SSBP2: variants seen among roughly 807,000 people sequenced by gnomAD.
SSBP2 encodes single-stranded DNA-binding protein 2.
Under a neutral mutation model 61.8 loss-of-function variants are expected in SSBP2, and 17 were observed. The observed-to-expected ratio is 0.28, with a 90% CI of 0.19 to 0.41. The LOEUF is 0.41. Ranked by LOEUF, SSBP2 falls within the 10% of genes least tolerant of loss-of-function variation. The probability of loss-of-function intolerance (pLI) is 1.00; values close to 1 mark genes in which losing one functional copy is unlikely to be tolerated. For synonymous variants in SSBP2, 139 were observed against 141.3 expected (o/e 0.98, Z 0.12); for missense variants, 310 against 458.7 (o/e 0.68, Z 2.96).
chr5:81,708,208 G>GTC (rs1446219611), intron 1 of SSBP2, among the ~76,000 whole-genome samples: 2 of 152,102 alleles, frequency 1.3e-5, no homozygotes, highest in Non-Finnish European at 2.9e-5. Context: ...CAAAGACAGG[G>GTC]TCTCTGCCTT....
intron 8 of SSBP2, among the ~76,000 whole-genome samples, chr5:81,468,869 G>A: frequency 6.6e-6 from 1 of 151,932 alleles, no homozygotes; most frequent in East Asian, 1.9e-4. Flanking sequence ...TGAGACATTG[G>A]TTAAAAGGAT....
chr5:81,693,746 C>T (rs781207087), intron 1 of SSBP2, among the ~76,000 whole-genome samples: 1 of 152,142 alleles, frequency 6.6e-6, no homozygotes, highest in African/African-American at 2.4e-5. Flanking sequence ...TAAATTAGTA[C>T]AACCACTATA....
intron 2 of SSBP2, among the ~76,000 whole-genome samples, chr5:81,643,709 T>C (rs905529374): frequency 3.3e-4 from 50 of 149,770 alleles, no homozygotes; most frequent in African/African-American, 1.2e-3. Flanking sequence ...CTCAAGCGAT[T>C]CTCCTGCCTC....
Position 81,575,244 on chromosome 5 carries a change from G to T in SSBP2, c.282+40229C>A, listed in dbSNP as rs952965787. ...GATCACGCTACTGCACTCCAGCCTG[G>T]GTGACAGAGCGAGACTTCGTCTCAA... is the stretch of plus-strand genomic sequence containing the variant. On this transcript the variant is annotated intron_variant, in intron 4 of 16. Coordinates refer to ENST00000320672, the MANE Select transcript of SSBP2 (RefSeq NM_012446.5). Among the ~76,000 whole-genome samples the T allele has an allele frequency of 3.3e-5, 5 of 152,158 alleles. 1 individual carries two copies. Among genetic ancestry groups the T allele is most frequent in the African/African-American group, 9.7e-5 (4 of 41,422 alleles).
intron 1 of SSBP2, among the ~76,000 whole-genome samples, chr5:81,742,160 T>C (rs1441064386): frequency 2.0e-5 from 3 of 152,280 alleles, no homozygotes; most frequent in East Asian, 1.9e-4. Context: ...TACTATACAT[T>C]AAAATATTTT....
At chr5:81,541,820 A>T (rs1771297126) in intron 4 of SSBP2, among the ~76,000 whole-genome samples, 1 of 152,224 alleles carries the variant, frequency 6.6e-6, no homozygotes, top group Admixed American at 6.5e-5. Context: ...TAAGAATCCT[A>T]GAAAAAAAAG....
At chr5:81,728,552 T>G (rs1011406020) in intron 1 of SSBP2, among the ~76,000 whole-genome samples, 8 of 152,340 alleles carry the variant, frequency 5.3e-5, no homozygotes, top group African/African-American at 1.9e-4. Flanking sequence ...ATGCCTTGAC[T>G]CAACTTCTCC....
At chr5:81,628,552 A>G (rs781250109) in intron 3 of SSBP2, among the ~76,000 whole-genome samples, 5 of 152,236 alleles carry the variant, frequency 3.3e-5, no homozygotes, top group Admixed American at 6.5e-5. Flanking sequence ...ACACATTAAC[A>G]TCAGAAGAAA....
chr5:81,689,828 G>A (rs1753077494), intron 1 of SSBP2, among the ~76,000 whole-genome samples: 1 of 152,036 alleles, frequency 6.6e-6, no homozygotes, highest in African/African-American at 2.4e-5. Flanking sequence ...TAATTGTGGT[G>A]TTTAAACCAT....
intron 10 of SSBP2, among the ~76,000 whole-genome samples, chr5:81,460,155 A>C (rs964612098): frequency 2.6e-5 from 4 of 152,184 alleles, no homozygotes; most frequent in East Asian, 1.9e-4. Flanking sequence ...TTTCATATTC[A>C]TTTAACATTA....
chr5:81,519,611 C>T (rs1181003393), intron 4 of SSBP2, among the ~76,000 whole-genome samples: 1 of 152,096 alleles, frequency 6.6e-6, no homozygotes, highest in Non-Finnish European at 1.5e-5. Context: ...TCCTTTCTTT[C>T]TCCTCCTATT....
intron 4 of SSBP2, among the ~76,000 whole-genome samples, chr5:81,581,539 T>C (rs1390143818): frequency 3.9e-5 from 6 of 152,068 alleles, no homozygotes; most frequent in African/African-American, 1.4e-4. Flanking sequence ...AGAGAAAAAA[T>C]GGTAACTGTT....
intron 1 of SSBP2, among the ~76,000 whole-genome samples, chr5:81,669,800 GA>G (rs1291658570): frequency 1.4e-5 from 2 of 148,024 alleles, no homozygotes; most frequent in South Asian, 2.1e-4. Context: ...AAGAAATGAA[GA>G]AAAAAAGAAG....
intron 1 of SSBP2, among the ~76,000 whole-genome samples, chr5:81,742,515 G>A (rs146877243): frequency 6.6e-6 from 1 of 152,256 alleles, no homozygotes; most frequent in East Asian, 1.9e-4. Flanking sequence ...GAATATGACG[G>A]TAAGGAAGAC....
At chr5:81,698,823 C>A (rs902381478) in intron 1 of SSBP2, among the ~76,000 whole-genome samples, 1 of 152,050 alleles carries the variant, frequency 6.6e-6, no homozygotes, top group Non-Finnish European at 1.5e-5. Context: ...ATAAAAAATA[C>A]ACTGCATACA....
At chr5:81,737,298 A>T (rs996003671) in intron 1 of SSBP2, among the ~76,000 whole-genome samples, 1 of 114,820 alleles carries the variant, frequency 8.7e-6, no homozygotes, top group African/African-American at 4.5e-5. Flanking sequence ...CCAAGTTAAA[A>T]AAAAAAAAAA....
intron 2 of SSBP2, among the ~76,000 whole-genome samples, chr5:81,649,965 C>A (rs1369378059): frequency 6.6e-6 from 1 of 151,996 alleles, no homozygotes; most frequent in Non-Finnish European, 1.5e-5. Flanking sequence ...TTATAACTCT[C>A]ACAAATTTTT....
intron 4 of SSBP2, among the ~76,000 whole-genome samples, chr5:81,551,221 G>C (rs1275316861): frequency 6.6e-6 from 1 of 151,022 alleles, no homozygotes; most frequent in Non-Finnish European, 1.5e-5. Flanking sequence ...ATTTTTTCCT[G>C]TATTATCTCA....
chr5:81,442,662 GT>G lies in SSBP2; in HGVS notation c.839del (p.Asn280ThrfsTer18). The G allele has an allele frequency of 6.4e-7, 1 of 1,570,046 alleles. No homozygotes were observed. The highest frequency in any genetic ancestry group is 1.9e-5 in the Admixed American group (1 of 52,586). On this transcript the variant is annotated frameshift_variant, in exon 13 of 17. Coordinates refer to ENST00000320672, the MANE Select transcript of SSBP2 (RefSeq NM_012446.5). LOFTEE classifies it high-confidence loss of function. Reference sequence around the variant, plus strand: ...AAAAGTTCATATTTACATTAGGTCTGTTAGGTCCAGGAGGTACTGCATTCAT... The same window carrying G: ...AAAAGTTCATATTTACATTAGGTCTGTAGGTCCAGGAGGTACTGCATTCAT...
Sources: allele counts gnomAD v4.1 joint callset (sites outside exome capture counted in the v4.1 genomes callset), GRCh38; gene constraint gnomAD v4.1.1; transcripts MANE v1.5; gene names NCBI Gene and HGNC (gene_info 2026-07-23, HGNC 2026-07-21).